CASP10: variants seen among roughly 807,000 people sequenced by gnomAD.
CASP10 encodes the protein caspase-10.
Under a neutral mutation model 48.5 loss-of-function variants are expected in CASP10, and 41 were observed. The observed-to-expected ratio is 0.85, with a 90% CI of 0.66 to 1.10. CASP10 has a LOEUF of 1.10. Ranked by LOEUF, CASP10 falls within the 50% of genes least tolerant of loss-of-function variation. The pLI is 0.00. For synonymous variants in CASP10, 232 were observed against 238.4 expected (o/e 0.97, Z 0.25); for missense variants, 614 against 614.5 (o/e 1.00, Z 0.01).
rs1287854907 is a variant in CASP10, at chr2:201,205,903, C to T, written c.743C>T (p.Ala248Val). ...GSNGNRATNG[A>V]PSLVSRGMQG... ...CTAGGTAACAGAGCCACAAATGGTGCACCAAGCCTGGTCTCCAGGGGGATG... is the reference window on the plus strand; with the variant it reads ...CTAGGTAACAGAGCCACAAATGGTGTACCAAGCCTGGTCTCCAGGGGGATG... Residue 248 changes from alanine to valine, a missense_variant, in exon 7 of 10, where the codon GCA (alanine) becomes GTA (valine). Coordinates refer to ENST00000286186, the MANE Select transcript of CASP10 (RefSeq NM_032977.4). 7 of 1,611,494 alleles carry T rather than the reference C, an allele frequency of 4.3e-6. No individual in the cohort carries two copies. In the African/African-American group the frequency reaches 5.3e-5, roughly 12 times the overall value.
In CASP10 at chr2:201,187,996, A is replaced by G. The variant is rs41390545; in HGVS notation, c.441+197A>G. Among the ~76,000 whole-genome samples, 968 of 152,320 alleles carry G rather than the reference A, an allele frequency of 6.4e-3. 8 individuals carry two copies. The highest frequency in any genetic ancestry group is 0.022 in the African/African-American group (906 of 41,564). On this transcript the variant is annotated intron_variant, in intron 3 of 9. Coordinates refer to ENST00000286186, the MANE Select transcript of CASP10 (RefSeq NM_032977.4). ...ATTCTAAACCCATGCTGTGAGGCCA[A>G]TGATTGAACTTTTCTGAGTCTCTAT...
At chr2:201,215,105 T>C (rs1945525578) in intron 9 of CASP10, among the ~76,000 whole-genome samples, 2 of 152,104 alleles carry the variant, frequency 1.3e-5, no homozygotes, top group Non-Finnish European at 2.9e-5. Flanking sequence ...ATTTGTTTTT[T>C]TGCTGTTGAG....
chr2:201,198,925 A>G (rs1394584069), intron 5 of CASP10, among the ~76,000 whole-genome samples: 2 of 152,226 alleles, frequency 1.3e-5, no homozygotes, highest in African/African-American at 2.4e-5. Context: ...TTAGATTTAA[A>G]AATAATTTCA....
rs1945706635 is a variant in CASP10 at position 201,221,014 on chromosome 2, A to T, written c.*3273A>T. 1.0e-6 allele frequency: 1 copy of T among 985,416 alleles called. No homozygotes were observed. Among genetic ancestry groups the T allele is most frequent in the Non-Finnish European group, 1.2e-6 (1 of 829,904 alleles). 61.0% of individuals were successfully genotyped at this position (985,416 alleles called of 1,614,324 possible). On this transcript the variant is annotated 3_prime_UTR_variant, in exon 10 of 10. Transcript: ENST00000286186. ...ATTAGCTGTTGGGAAGACGAAAAAG[A>T]ATGTGTCCTATGTGTGCATCTATTT...
intron 4 of CASP10, among the ~76,000 whole-genome samples, chr2:201,195,247 A>G (rs1160572893): frequency 6.6e-6 from 1 of 151,932 alleles, no homozygotes; most frequent in Non-Finnish European, 1.5e-5. Context: ...GCCCGCCACC[A>G]TGCCCAGCTA....
At chr2:201,199,420 G>T (rs1156436385) in intron 5 of CASP10, among the ~76,000 whole-genome samples, 1 of 152,054 alleles carries the variant, frequency 6.6e-6, no homozygotes, top group Non-Finnish European at 1.5e-5. Flanking sequence ...GGAGGCCGAG[G>T]TGGGAGGACC....
chr2:201,194,000 C>T (rs189608948), intron 4 of CASP10, among the ~76,000 whole-genome samples: 8 of 152,230 alleles, frequency 5.3e-5, no homozygotes, highest in Admixed American at 5.2e-4. Flanking sequence ...GCCTTCTATA[C>T]ATGTGGCTAT....
At chr2:201,193,460 G>A (rs1307286337) in intron 4 of CASP10, 6 of 324,490 alleles carry the variant, frequency 1.8e-5, no homozygotes, top group South Asian at 2.6e-5. Flanking sequence ...CACCCACCTC[G>A]GCCTTTCAAA....
At chr2:201,217,485 G>A (rs988414781) in intron 9 of CASP10, 103 bp from the exon 10 acceptor site, 3 of 742,528 alleles carry the variant, frequency 4.0e-6, no homozygotes, top group African/African-American at 1.7e-5. Context: ...CTTGAATCCA[G>A]GAGGTGGAGG....
chr2:201,195,796 A>T, intron 4 of CASP10, 46 bp from the exon 5 acceptor site: 1 of 1,427,744 alleles, frequency 7.0e-7, no homozygotes, highest in Non-Finnish European at 9.9e-7. Context: ...TCCTGCTGCT[A>T]GTCAGAAGGT....
rs548104022 is a variant in CASP10 at position 201,220,760 on chromosome 2, C to T, written c.*3019C>T. On this transcript the variant is annotated 3_prime_UTR_variant, in exon 10 of 10. Coordinates refer to ENST00000286186, the MANE Select transcript of CASP10 (RefSeq NM_032977.4). ...CTTACACATGTGTCAGGATGATCTC[C>T]CAAAACCGTGTTCATAACAGTCAGG... The T allele has an allele frequency of 1.1e-4, 111 of 985,422 alleles. 2 individuals are homozygous for T. In the South Asian group the frequency reaches 4.7e-3, roughly 42 times the overall value. The allele number at this position is 985,422 out of a possible 1,614,324, so 61.0% of individuals were successfully genotyped here.
At chr2:201,224,072 T>C (rs928771381), downstream of CASP10, among the ~76,000 whole-genome samples, 4 of 151,636 alleles carry the variant, frequency 2.6e-5, no homozygotes, top group Non-Finnish European at 5.9e-5. Context: ...CCCAGGTTCA[T>C]GCCATTCTCC....
intron 1 of CASP10, 33 bp from the exon 2 acceptor site, chr2:201,185,738 T>A (rs1944391744): frequency 6.9e-7 from 1 of 1,443,706 alleles, no homozygotes; most frequent in Admixed American, 1.7e-5. Context: ...CCTCACTCTC[T>A]AACTCCCTGC....
intron 1 of CASP10, among the ~76,000 whole-genome samples, chr2:201,183,650 C>G (rs907385388): frequency 6.6e-6 from 1 of 152,108 alleles, no homozygotes; most frequent in Admixed American, 6.6e-5. Flanking sequence ...GGGCTAGTAG[C>G]AGGGAAGATC....
intron 9 of CASP10, chr2:201,214,609 A>C (rs1001632342): frequency 1.3e-5 from 2 of 152,178 alleles, no homozygotes; most frequent in Non-Finnish European, 2.9e-5. Flanking sequence ...TAATTTTTAG[A>C]GAGTCATGTT....
At chr2:201,203,902 T>C (rs986476508) in intron 6 of CASP10, 136 bp downstream of exon 6, 8 of 771,758 alleles carry the variant, frequency 1.0e-5, no homozygotes, top group African/African-American at 1.7e-5. Flanking sequence ...TTTATTCCAA[T>C]TCAAGGCAAG....
intron 9 of CASP10, among the ~76,000 whole-genome samples, chr2:201,228,391 G>A (rs1417484471): frequency 6.6e-6 from 1 of 152,142 alleles, no homozygotes; most frequent in African/African-American, 2.4e-5. Context: ...TAGGGCAGAA[G>A]GGATGAGAGA....
At chr2:201,217,536 G>A in intron 9 of CASP10, 52 bp from the exon 10 acceptor site, 2 of 1,220,896 alleles carry the variant, frequency 1.6e-6, no homozygotes, top group East Asian at 4.7e-5. Flanking sequence ...TCCAGCCTGG[G>A]CGACAGAGTG....
chr2:201,206,451 A>G (rs1329294360), intron 7 of CASP10, among the ~76,000 whole-genome samples: 1 of 150,700 alleles, frequency 6.6e-6, no homozygotes, highest in Non-Finnish European at 1.5e-5. Context: ...ATATATATAT[A>G]TATTGAATTT....
Sources: gnomAD v4.1 joint callset for allele counts (sites outside exome capture counted in the v4.1 genomes callset) on GRCh38, gnomAD v4.1.1 for gene constraint, MANE v1.5 for transcripts, NCBI Gene and HGNC (gene_info 2026-07-23, HGNC 2026-07-21) for gene names.